Variants in ASCC1 observed in about 807,000 individuals in gnomAD.
The protein encoded by ASCC1 is ASC-1 complex subunit P50.
A neutral mutation model predicts 46.6 loss-of-function variants in ASCC1; 35 were observed. That is an observed-to-expected ratio of 0.75 (90% CI 0.57 to 0.99). The LOEUF (loss-of-function observed/expected upper bound fraction) is 0.99. Ranked by LOEUF, ASCC1 falls within the 50% of genes least tolerant of loss-of-function variation. The pLI, the probability that ASCC1 is intolerant of heterozygous loss-of-function variation, is 0.00. For synonymous variants in ASCC1, 143 were observed against 146.6 expected, an observed-to-expected ratio of 0.98 and a Z score of 0.18; for missense variants, 376 against 428.7, an observed-to-expected ratio of 0.88 and a Z score of 1.09.
chr10:72,172,773 A>T (rs917324950), intron 5 of ASCC1, among the ~76,000 whole-genome samples: 12 of 132,678 alleles, frequency 9.0e-5, no homozygotes, highest in East Asian at 8.1e-4. Context: ...TATATATTAT[A>T]TTTTTTATAT....
At chr10:72,174,323 A>G (rs1440612399) in intron 5 of ASCC1, among the ~76,000 whole-genome samples, 1 of 152,208 alleles carries the variant, frequency 6.6e-6, no homozygotes. Flanking sequence ...TAATAATACT[A>G]TCAGTAGGAA....
intron 3 of ASCC1, among the ~76,000 whole-genome samples, chr10:72,209,763 G>A (rs929728998): frequency 1.1e-4 from 16 of 152,200 alleles, no homozygotes; most frequent in South Asian, 2.1e-4. Flanking sequence ...CTGCCTAGGC[G>A]AAAGAGCGAA....
chr10:72,211,774 G>C (rs1029090313), intron 2 of ASCC1, among the ~76,000 whole-genome samples: 1 of 151,034 alleles, frequency 6.6e-6, no homozygotes, highest in South Asian at 2.1e-4. Flanking sequence ...AGTGAGCCGA[G>C]ATCGCGCCAC....
chr10:72,128,583 A>G (rs1294189069), intron 8 of ASCC1, among the ~76,000 whole-genome samples: 5 of 152,250 alleles, frequency 3.3e-5, no homozygotes, highest in Non-Finnish European at 7.3e-5. Flanking sequence ...GTAAAAATAC[A>G]TAAGAGTTCA....
At chr10:72,118,458 AAAC>A (rs1342756261) in intron 9 of ASCC1, among the ~76,000 whole-genome samples, 3 of 151,978 alleles carry the variant, frequency 2.0e-5, no homozygotes, top group African/African-American at 4.8e-5. Context: ...TAATAAAAAG[AAAC>A]AACGTTTTCT....
intron 9 of ASCC1, among the ~76,000 whole-genome samples, chr10:72,112,381 A>G (rs1317675567): frequency 6.6e-6 from 1 of 152,206 alleles, no homozygotes. Context: ...TCAAATTCAT[A>G]GAGACAGAAA....
chr10:72,189,832 G>C (rs982271751), intron 5 of ASCC1: 2 of 313,042 alleles, frequency 6.4e-6, no homozygotes, highest in African/African-American at 2.7e-5. Flanking sequence ...AAGAACCAAA[G>C]ACATGAACCA....
At chr10:72,187,736 A>C (rs993762213) in intron 5 of ASCC1, among the ~76,000 whole-genome samples, 12 of 150,186 alleles carry the variant, frequency 8.0e-5, no homozygotes, top group South Asian at 6.3e-4. Flanking sequence ...AAAAAAAAAA[A>C]AAAAAACTGG....
intron 5 of ASCC1, among the ~76,000 whole-genome samples, chr10:72,190,913 T>A (rs1049028359): frequency 6.8e-6 from 1 of 147,544 alleles, no homozygotes; most frequent in Non-Finnish European, 1.5e-5. Flanking sequence ...GGAGAATCGC[T>A]TGAACCCGGG....
upstream of ASCC1, among the ~76,000 whole-genome samples, chr10:72,216,645 A>C (rs1859403176): frequency 6.6e-6 from 1 of 152,140 alleles, no homozygotes; most frequent in Admixed American, 6.5e-5. Flanking sequence ...TTTTAAGAAA[A>C]TAGGCATATA....
At chr10:72,156,432 T>C (rs893482888) in intron 6 of ASCC1, among the ~76,000 whole-genome samples, 2 of 152,202 alleles carry the variant, frequency 1.3e-5, no homozygotes, top group African/African-American at 4.8e-5. Flanking sequence ...ACACATGCTA[T>C]ATTGTCATTA....
At chr10:72,098,318 A>G (rs951642518) in intron 9 of ASCC1, among the ~76,000 whole-genome samples, 1 of 152,252 alleles carries the variant, frequency 6.6e-6, no homozygotes, top group African/African-American at 2.4e-5. Context: ...GTTAGGATGT[A>G]GGAATTGCTC....
chr10:72,156,085 G>A (rs1011641832), intron 6 of ASCC1, among the ~76,000 whole-genome samples: 11 of 152,196 alleles, frequency 7.2e-5, no homozygotes, highest in Non-Finnish European at 1.5e-4. Flanking sequence ...GGGGCCTAGT[G>A]GGAGGTGTTG....
At chr10:72,113,645 G>T (rs1843168340) in intron 9 of ASCC1, among the ~76,000 whole-genome samples, 1 of 152,136 alleles carries the variant, frequency 6.6e-6, no homozygotes, top group African/African-American at 2.4e-5. Context: ...TAAATAGACT[G>T]AAATAAGAAG....
intron 9 of ASCC1, among the ~76,000 whole-genome samples, chr10:72,104,412 A>G (rs1462813931): frequency 6.6e-6 from 1 of 152,198 alleles, no homozygotes; most frequent in Admixed American, 6.5e-5. Flanking sequence ...CTAAAAGGCT[A>G]TATTTAATTT....
At chr10:72,172,946 A>ATTATATT (rs1389652226) in intron 5 of ASCC1, among the ~76,000 whole-genome samples, 1 of 137,706 alleles carries the variant, frequency 7.3e-6, no homozygotes, top group South Asian at 2.1e-4. Flanking sequence ...TATATTATAT[A>ATTATATT]TTATATTTTA....
At chr10:72,160,356 T>C (rs962071236) in intron 6 of ASCC1, among the ~76,000 whole-genome samples, 66 of 152,240 alleles carry the variant, frequency 4.3e-4, no homozygotes, top group Admixed American at 5.9e-4. Flanking sequence ...TTTGAGTGAA[T>C]TGGCTTTCAC....
intron 9 of ASCC1, among the ~76,000 whole-genome samples, chr10:72,098,180 G>A (rs935261995): frequency 4.6e-5 from 7 of 152,218 alleles, no homozygotes; most frequent in African/African-American, 1.7e-4. Flanking sequence ...TACTCCAAGA[G>A]GGACTGGACT....
chr10:72,101,026 T>C (rs1841690049), intron 9 of ASCC1, among the ~76,000 whole-genome samples: 2 of 152,208 alleles, frequency 1.3e-5, no homozygotes, highest in South Asian at 2.1e-4. Context: ...GGGACATTTC[T>C]ACATGTTTCT....
Sources: allele counts gnomAD v4.1 joint callset (sites outside exome capture counted in the v4.1 genomes callset), GRCh38; gene constraint gnomAD v4.1.1; transcripts MANE v1.5; gene names NCBI Gene and HGNC (gene_info 2026-07-23, HGNC 2026-07-21).